The following ANKRD36 variants were observed in gnomAD, a reference collection of about 807,000 sequenced individuals.
ANKRD36 encodes the protein ankyrin repeat domain 36.
A neutral mutation model predicts 278.1 loss-of-function variants in ANKRD36; 179 were observed. The observed-to-expected ratio is 0.64, with a 90% CI of 0.57 to 0.73. The LOEUF (loss-of-function observed/expected upper bound fraction) is 0.73. Ranked by LOEUF, ANKRD36 falls within the 30% of genes least tolerant of loss-of-function variation. ANKRD36 has a pLI of 0.00. For synonymous variants in ANKRD36, 320 were observed against 641.1 expected (o/e 0.50, Z 7.57); for missense variants, 1,159 against 1,956.7 (o/e 0.59, Z 7.69).
intron 62 of ANKRD36, chr2:97,216,915 A>T (rs958102342): frequency 5.9e-6 from 5 of 851,270 alleles, no homozygotes; most frequent in Non-Finnish European, 5.5e-6. Flanking sequence ...ATCCACGTTG[A>T]TATTGACACG....
intron 22 of ANKRD36, among the ~76,000 whole-genome samples, chr2:97,176,738 T>C (rs1250147653): frequency 6.6e-6 from 1 of 151,724 alleles, no homozygotes; most frequent in Non-Finnish European, 1.5e-5. Context: ...TTTTACATTT[T>C]GGCATGATTT....
chr2:97,138,993 C>T (rs1274927298), intron 6 of ANKRD36, among the ~76,000 whole-genome samples: 2 of 152,074 alleles, frequency 1.3e-5, no homozygotes, highest in African/African-American at 4.8e-5. Flanking sequence ...AAAACCTAGG[C>T]AGTACCATTC....
At chr2:97,188,574 C>T (rs537979298) in intron 32 of ANKRD36, among the ~76,000 whole-genome samples, 1 of 112,668 alleles carries the variant, frequency 8.9e-6, no homozygotes, top group African/African-American at 2.5e-5. Flanking sequence ...CAATTTAGGA[C>T]ACTTCCACTG....
intron 38 of ANKRD36, among the ~76,000 whole-genome samples, chr2:97,194,409 T>A (rs1050264038): frequency 1.3e-5 from 2 of 151,680 alleles, no homozygotes; most frequent in Non-Finnish European, 2.9e-5. Context: ...GTGTGTGAGT[T>A]GCTCCTCTGA....
At chr2:97,185,398 A>T in intron 29 of ANKRD36, 40 bp from the exon 30 acceptor site, 2 of 1,608,342 alleles carry the variant, frequency 1.2e-6, no homozygotes, top group Non-Finnish European at 1.7e-6. Context: ...TCCATGAAAC[A>T]TACTTTCTTT....
At chr2:97,160,896 G>A (rs1280830699) in intron 17 of ANKRD36, among the ~76,000 whole-genome samples, 1 of 151,986 alleles carries the variant, frequency 6.6e-6, no homozygotes, top group Non-Finnish European at 1.5e-5. Flanking sequence ...GTTCAAAAGT[G>A]CAGATGACCA....
intron 58 of ANKRD36, among the ~76,000 whole-genome samples, chr2:97,212,096 G>T (rs1218652038): frequency 1.3e-5 from 2 of 151,892 alleles, no homozygotes; most frequent in Non-Finnish European, 1.5e-5. Flanking sequence ...GCGTCAGATT[G>T]TATTGTGATA....
chr2:97,163,091 C>G (rs1391069481), intron 18 of ANKRD36: 3 of 348,982 alleles, frequency 8.6e-6, no homozygotes, highest in Non-Finnish European at 1.7e-5. Context: ...CATGGTGAAA[C>G]CCCATCTCTA....
At chr2:97,170,382 G>C (rs985661130) in intron 22 of ANKRD36, among the ~76,000 whole-genome samples, 3 of 151,924 alleles carry the variant, frequency 2.0e-5, no homozygotes, top group Non-Finnish European at 2.9e-5. Flanking sequence ...ACAGAACAGA[G>C]CCCTCAGAAA....
chr2:97,196,468 A>G (rs2059799487), intron 40 of ANKRD36, 125 bp from the exon 41 acceptor site: 1 of 1,524,368 alleles, frequency 6.6e-7, no homozygotes, highest in African/African-American at 1.4e-5. Context: ...GACACAAAGT[A>G]GAAGCCATCA....
chr2:97,147,768 A>G (rs1167761493), intron 11 of ANKRD36, among the ~76,000 whole-genome samples: 1 of 151,922 alleles, frequency 6.6e-6, no homozygotes, highest in Non-Finnish European at 1.5e-5. Flanking sequence ...CCAAATTTGA[A>G]GAGAAACAAA....
rs1329074682 is a variant in ANKRD36, at chr2:97,172,343, T to A, written c.1633+4576T>A. On this transcript the variant is annotated intron_variant, in intron 22 of 75. Transcript: ENST00000420699. Reference sequence around the variant, plus strand: ...GTGAGGTATTTCTTGATTTATTGTATGATCTCATGATATGCCATGTGATGA... The same window carrying A: ...GTGAGGTATTTCTTGATTTATTGTAAGATCTCATGATATGCCATGTGATGA... Among the ~76,000 whole-genome samples, 6 of 152,066 alleles carry A rather than the reference T, an allele frequency of 3.9e-5. No individual in the cohort carries two copies. The East Asian group carries it at 1.2e-3, about 29-fold the overall frequency.
chr2:97,157,774 A>T (rs1386848939), intron 15 of ANKRD36, among the ~76,000 whole-genome samples: 1 of 150,910 alleles, frequency 6.6e-6, no homozygotes, highest in Non-Finnish European at 1.5e-5. Flanking sequence ...ACTTTTTATT[A>T]TTAGTTTTGT....
At position 97,195,512 on chromosome 2, in the gene ANKRD36, A is replaced by ACTG. The variant is rs547391071; in HGVS notation, c.2551+599_2551+601dup. On this transcript the variant is annotated intron_variant, in intron 40 of 75. Coordinates refer to ENST00000420699, the MANE Select transcript of ANKRD36 (RefSeq NM_001354587.1). ...ATATTTGATTTTGGCAGCTCCAGCA[A>ACTG]CTGCTGGAAGCAGGAAACAGTGGTT... is the stretch of plus-strand genomic sequence containing the variant. 2.8e-3 allele frequency among the ~76,000 whole-genome samples: 433 copies of ACTG among 152,126 alleles called. 2 individuals are homozygous for ACTG. Among genetic ancestry groups the ACTG allele is most frequent in the Non-Finnish European group, 4.7e-3 (320 of 67,966 alleles).
intron 1 of ANKRD36, 77 bp from the exon 2 acceptor site, chr2:97,117,987 T>C (rs565681731): frequency 4.0e-6 from 6 of 1,506,304 alleles, no homozygotes; most frequent in Non-Finnish European, 5.3e-6. Flanking sequence ...ATTACATATT[T>C]GTTTTGAAGA....
intron 22 of ANKRD36, among the ~76,000 whole-genome samples, chr2:97,168,253 G>C (rs2051331939): frequency 6.6e-6 from 1 of 152,270 alleles, no homozygotes; most frequent in African/African-American, 2.4e-5. Context: ...ATGTGTATGT[G>C]TGTGTGCGCT....
intron 56 of ANKRD36, among the ~76,000 whole-genome samples, chr2:97,210,208 T>A (rs1480515736): frequency 1.3e-5 from 2 of 151,826 alleles, no homozygotes; most frequent in African/African-American, 4.8e-5. Context: ...GAAGTATAGA[T>A]TTTACAGACG....
At chr2:97,228,999 A>C (rs1402259900) in intron 67 of ANKRD36, among the ~76,000 whole-genome samples, 1 of 152,148 alleles carries the variant, frequency 6.6e-6, no homozygotes, top group African/African-American at 2.4e-5. Context: ...GTGGTCTGAC[A>C]GACACTTTGT....
At chr2:97,154,226 A>T (rs1287181660) in intron 14 of ANKRD36, among the ~76,000 whole-genome samples, 1 of 147,378 alleles carries the variant, frequency 6.8e-6, no homozygotes, top group Non-Finnish European at 1.5e-5. Flanking sequence ...TCTTTGAATC[A>T]GAAATAGATA....
Sources: allele counts gnomAD v4.1 joint callset (sites outside exome capture counted in the v4.1 genomes callset), GRCh38; gene constraint gnomAD v4.1.1; transcripts MANE v1.5; gene names NCBI Gene and HGNC (gene_info 2026-07-23, HGNC 2026-07-21).